The following THSD7B variants were observed in gnomAD, a reference collection of about 807,000 sequenced individuals.
The protein encoded by THSD7B is thrombospondin type 1 domain containing 7B, also known as thrombospondin type-1 domain-containing protein 7B.
A neutral mutation model predicts 213.6 loss-of-function variants in THSD7B; 138 were observed. The observed-to-expected ratio is 0.65, with a 90% CI of 0.56 to 0.74. THSD7B has a LOEUF of 0.74. Among genes scored for constraint, THSD7B ranks in the 30% least tolerant of loss-of-function variants. The pLI, the probability that THSD7B is intolerant of heterozygous loss-of-function variation, is 0.00. For synonymous variants in THSD7B, 742 were observed against 687.0 expected, an observed-to-expected ratio of 1.08 and a Z score of -1.25; for missense variants, 1,931 against 1,991.5, an observed-to-expected ratio of 0.97 and a Z score of 0.58.
chr2:137,603,394 G>A (rs1682111957), intron 17 of THSD7B, among the ~76,000 whole-genome samples: 1 of 152,122 alleles, frequency 6.6e-6, no homozygotes, highest in African/African-American at 2.4e-5. Context: ...TAATTAAAAT[G>A]TGCTAAAATG....
At chr2:137,297,851 C>T (rs942304449) in intron 12 of THSD7B, among the ~76,000 whole-genome samples, 1 of 152,128 alleles carries the variant, frequency 6.6e-6, no homozygotes, top group Non-Finnish European at 1.5e-5. Context: ...CTCCTCCAGC[C>T]ACGTGGAACT....
rs74338057 is a variant in THSD7B, at chr2:137,321,171, A to C, written c.2500+45145A>C. 9.7e-3 allele frequency among the ~76,000 whole-genome samples: 1,477 copies of C among 152,336 alleles called. 28 individuals carry two copies. Among genetic ancestry groups the C allele is most frequent in the African/African-American group, 0.034 (1,433 of 41,574 alleles). ...ATCTTTATCTTAATTAGCCTTATAA[A>C]AATTATTCTTTCCATTTTAGGGGGA... On this transcript the variant is annotated intron_variant, in intron 12 of 27. Transcript: ENST00000409968.
intron 12 of THSD7B, among the ~76,000 whole-genome samples, chr2:137,363,934 CA>C (rs937284421): frequency 2.0e-5 from 3 of 151,610 alleles, no homozygotes; most frequent in East Asian, 1.9e-4. Flanking sequence ...AGAGACACAA[CA>C]AAAAAAAGAG....
At chr2:137,246,918 G>A (rs1241141516) in intron 10 of THSD7B, among the ~76,000 whole-genome samples, 4 of 152,112 alleles carry the variant, frequency 2.6e-5, no homozygotes, top group African/African-American at 9.7e-5. Context: ...TGATGTCTGA[G>A]CCTCATCCCA....
chr2:136,991,418 G>A (rs188489572), intron 2 of THSD7B, among the ~76,000 whole-genome samples: 5 of 152,190 alleles, frequency 3.3e-5, no homozygotes, highest in African/African-American at 1.2e-4. Flanking sequence ...TTGGCTAAGT[G>A]ATATATTTGG....
intron 15 of THSD7B, among the ~76,000 whole-genome samples, chr2:137,479,227 G>A (rs1030494381): frequency 6.6e-5 from 10 of 152,216 alleles, no homozygotes; most frequent in African/African-American, 9.6e-5. Context: ...AGGCCCACAG[G>A]TGGTGTGTGC....
chr2:137,053,299 G>A lies in THSD7B; in HGVS notation c.140-3121G>A, dbSNP rs117251628. ...TTTTGGATTAACTCATATCCAAATAGGAGATCATGGCTAAGCTAAGAAACA... is the reference window on the plus strand; with the variant it reads ...TTTTGGATTAACTCATATCCAAATAAGAGATCATGGCTAAGCTAAGAAACA... On this transcript the variant is annotated intron_variant, in intron 2 of 27. Transcript: ENST00000409968. 3.4e-3 allele frequency among the ~76,000 whole-genome samples: 523 copies of A among 152,158 alleles called. 7 individuals carry two copies. The East Asian group carries it at 0.043, about 12-fold the overall frequency.
intron 12 of THSD7B, among the ~76,000 whole-genome samples, chr2:137,316,767 A>G (rs1384410352): frequency 1.6e-5 from 2 of 127,040 alleles, no homozygotes; most frequent in African/African-American, 2.8e-5. Context: ...CAAAAAAAAA[A>G]AAGAAAAAGA....
At chr2:137,650,077 T>G (rs189352166) in intron 21 of THSD7B, among the ~76,000 whole-genome samples, 4 of 152,304 alleles carry the variant, frequency 2.6e-5, no homozygotes, top group African/African-American at 9.6e-5. Context: ...ATTGATATTT[T>G]GAGTTCCATA....
chr2:137,472,176 C>A (rs1291554199), intron 15 of THSD7B, among the ~76,000 whole-genome samples: 5 of 152,012 alleles, frequency 3.3e-5, no homozygotes, highest in African/African-American at 1.2e-4. Context: ...GCCTTAATGC[C>A]AGAATATGAG....
chr2:136,914,928 A>G (rs1684327159), intron 2 of THSD7B, among the ~76,000 whole-genome samples: 1 of 152,222 alleles, frequency 6.6e-6, no homozygotes, highest in Non-Finnish European at 1.5e-5. Flanking sequence ...TATTACCAGA[A>G]ACATTATTGA....
At chr2:136,765,753 CG>C (rs984930704) in intron 1 of THSD7B, 66 bp downstream of exon 1, 79 of 152,336 alleles carry the variant, frequency 5.2e-4, no homozygotes, top group African/African-American at 1.9e-3. Context: ...GACTGGGGCG[CG>C]GGGTGGCAGC....
intron 2 of THSD7B, among the ~76,000 whole-genome samples, chr2:136,997,739 G>A (rs1352003884): frequency 2.6e-5 from 4 of 152,124 alleles, no homozygotes; most frequent in Non-Finnish European, 5.9e-5. Flanking sequence ...GAGAGGGAAT[G>A]AGTTAATGAC....
At chr2:136,889,007 G>C (rs1292548642) in intron 2 of THSD7B, among the ~76,000 whole-genome samples, 3 of 151,754 alleles carry the variant, frequency 2.0e-5, no homozygotes, top group Non-Finnish European at 4.4e-5. Context: ...GAGTTGAGAA[G>C]AGATGAAAGA....
At position 137,052,560 on chromosome 2, in the gene THSD7B, A is replaced by C. The variant is rs573815245; in HGVS notation, c.140-3860A>C. On this transcript the variant is annotated intron_variant, in intron 2 of 27. Coordinates refer to ENST00000409968, the MANE Select transcript of THSD7B (RefSeq NM_001316349.2). ...ATATATAATACATATATATTTTGTA[A>C]TAAAAGCAAGGTTTTTTTGTATGTA... 9.9e-5 allele frequency among the ~76,000 whole-genome samples: 15 copies of C among 152,236 alleles called. No individual in the cohort carries two copies. In the South Asian group the frequency reaches 2.7e-3, roughly 27 times the overall value.
chr2:137,500,177 C>T (rs529568087), intron 15 of THSD7B, among the ~76,000 whole-genome samples: 1 of 152,022 alleles, frequency 6.6e-6, no homozygotes, highest in South Asian at 2.1e-4. Context: ...ATTAAAATAC[C>T]CACTTTGATA....
At chr2:136,946,966 T>C (rs891710844) in intron 2 of THSD7B, among the ~76,000 whole-genome samples, 2 of 152,216 alleles carry the variant, frequency 1.3e-5, no homozygotes, top group Non-Finnish European at 1.5e-5. Context: ...CTGCCCCGCT[T>C]CGGCTCACCC....
At chr2:136,933,651 T>C (rs1684670424) in intron 2 of THSD7B, among the ~76,000 whole-genome samples, 1 of 151,746 alleles carries the variant, frequency 6.6e-6, no homozygotes, top group Non-Finnish European at 1.5e-5. Context: ...TTATTATTGA[T>C]AGATTTTAAT....
At chr2:136,838,540 A>G (rs1422037493) in intron 1 of THSD7B, among the ~76,000 whole-genome samples, 2 of 152,184 alleles carry the variant, frequency 1.3e-5, no homozygotes, top group Non-Finnish European at 2.9e-5. Context: ...AGGGTATGCC[A>G]GTCTTTCTTG....
Sources: gnomAD v4.1 joint callset for allele counts (sites outside exome capture counted in the v4.1 genomes callset) on GRCh38, gnomAD v4.1.1 for gene constraint, MANE v1.5 for transcripts, NCBI Gene and HGNC (gene_info 2026-07-23, HGNC 2026-07-21) for gene names.